The following TOB1 variants were observed in gnomAD, a reference collection of about 807,000 sequenced individuals.
TOB1 encodes protein Tob1.
A neutral mutation model predicts 22.9 loss-of-function variants in TOB1; 2 were observed. The ratio of observed to expected loss-of-function variants is 0.09; its 90% confidence interval spans 0.04 to 0.28. TOB1 has a LOEUF of 0.28. TOB1 is among the 10% of genes least tolerant of loss of function. TOB1 has a pLI of 1.00. For missense variants in TOB1, 299 were observed against 420.5 expected (o/e 0.71, Z 2.53); for synonymous variants, 154 against 150.6 (o/e 1.02, Z -0.17).
intron 1 of TOB1, among the ~76,000 whole-genome samples, chr17:50,865,488 A>C (rs1972283049): frequency 6.6e-6 from 1 of 152,090 alleles, no homozygotes. Flanking sequence ...CAGCAAGAGG[A>C]GGTGGAGGTG....
upstream of TOB1, chr17:50,867,149 C>G (rs1014609929): frequency 2.0e-5 from 3 of 152,324 alleles, no homozygotes; most frequent in African/African-American, 7.2e-5. Flanking sequence ...GGCTGCGACT[C>G]GGATCCGTTT....
In TOB1 at chr17:50,863,456, C is replaced by T. The variant is rs745322271; in HGVS notation, c.562G>A (p.Gly188Ser). ...CCACTATTCTTCATTTTGGTAGAGC[C>T]GAACTTGGTGGCAGCAAAAGTGGCA... is the stretch of plus-strand genomic sequence containing the variant. ...TTATFAATKFGSTKMKNSGRS... is the reference protein window; with the variant it reads ...TTATFAATKFSSTKMKNSGRS... Residue 188 changes from glycine (G) to serine (S), a missense_variant, in exon 2 of 2, where the codon GGC (glycine) becomes AGC (serine). Physicochemically the swap from Gly to Ser is moderately conservative, Grantham distance 56. Coordinates refer to ENST00000499247, the MANE Select transcript of TOB1 (RefSeq NM_005749.4). The T allele has an allele frequency of 6.2e-7, 1 of 1,614,036 alleles. No individual in the cohort carries two copies. Among genetic ancestry groups the T allele is most frequent in the South Asian group, 1.1e-5 (1 of 91,062 alleles).
intron 1 of TOB1, among the ~76,000 whole-genome samples, chr17:50,865,508 G>A (rs922621868): frequency 6.6e-6 from 1 of 152,220 alleles, no homozygotes; most frequent in Admixed American, 6.5e-5. Context: ...GGAGGAGGAA[G>A]AGAGTACGAG....
At chr17:50,864,196 T>C in intron 1 of TOB1, 33 bp from the exon 2 acceptor site, 1 of 1,241,204 alleles carries the variant, frequency 8.1e-7, no homozygotes, top group Non-Finnish European at 1.0e-6. Context: ...CCAAATAAGA[T>C]AAATGTAATA....
Position 50,863,723 on chromosome 17 carries a change from C to T in TOB1, c.295G>A (p.Val99Ile), listed in dbSNP as rs762912768. The T allele has an allele frequency of 6.2e-7, 1 of 1,614,094 alleles. No homozygotes were observed. Among genetic ancestry groups the T allele is most frequent in the South Asian group, 1.1e-5 (1 of 91,062 alleles). The change falls in exon 2 of 2, where the codon GTT becomes ATT. Residue 99 changes from valine to isoleucine, a missense_variant. Transcript: ENST00000499247. Reference sequence around the variant, plus strand: ...CCCTTTTCACCAATTTGGTAAGAAACCTCAAATGGGTCGATCCAAACACTA... The same window carrying T: ...CCCTTTTCACCAATTTGGTAAGAAATCTCAAATGGGTCGATCCAAACACTA... ...DLSVWIDPFE[V>I]SYQIGEKGPV...
Position 50,863,491 on chromosome 17 carries a change from G to A in TOB1, c.527C>T (p.Thr176Ile), listed in dbSNP as rs765113380. The A allele has an allele frequency of 6.2e-7, 1 of 1,614,196 alleles. No individual in the cohort carries two copies. ...GGCAGCAAAAGTGGCAGTGGTAAAGGTTAAAGGCTGAGTGGACCGGGGCAT... is the reference window on the plus strand; with the variant it reads ...GGCAGCAAAAGTGGCAGTGGTAAAGATTAAAGGCTGAGTGGACCGGGGCAT... ...TFMPRSTQPL[T>I]FTTATFAATK... is the part of the protein sequence containing the mutation. The change falls in exon 2 of 2, where the codon ACC (threonine) becomes ATC (isoleucine). Residue 176 changes from threonine to isoleucine, a missense_variant. Physicochemically the swap from Thr to Ile is moderately conservative, Grantham distance 89. Coordinates refer to ENST00000499247, the MANE Select transcript of TOB1 (RefSeq NM_005749.4).
chr17:50,864,839 G>C (rs1972272226), intron 1 of TOB1, among the ~76,000 whole-genome samples: 1 of 152,036 alleles, frequency 6.6e-6, no homozygotes, highest in East Asian at 1.9e-4. Context: ...AGCTTCTCTG[G>C]GCCTTTTGTT....
At chr17:50,866,806 G>A (rs1972318838), upstream of TOB1, 1 of 152,460 alleles carries the variant, frequency 6.6e-6, no homozygotes, top group African/African-American at 2.4e-5. Flanking sequence ...AGGAGAACCG[G>A]GGCTGGAGGA....
Position 50,862,920 on chromosome 17 carries a change from G to GA in TOB1, c.*59dup, listed in dbSNP as rs546261730. On this transcript the variant is annotated 3_prime_UTR_variant, in exon 2 of 2. Transcript: ENST00000499247. ...TAAAAAAAAAAATTCTCAAGGAGGT[G>GA]AAAAAAAAAATCCCCCTTGGGCCCG... The GA allele has an allele frequency of 1.2e-3, 1,718 of 1,380,694 alleles. 7 individuals are homozygous for GA. The highest frequency in any genetic ancestry group is 0.011 in the South Asian group (674 of 62,030). The allele number at this position is 1,380,694 out of a possible 1,614,324, so 85.5% of individuals were successfully genotyped here. A position where few individuals can be genotyped will look rare whatever the true frequency, so the allele number is the denominator to read the frequency against.
chr17:50,863,502 A>C lies in TOB1; in HGVS notation c.516T>G (p.Thr172=). The change falls in exon 2 of 2, where the codon ACT becomes ACG. Residue 172 remains threonine, a synonymous_variant. Transcript: ENST00000499247. The part of the protein sequence containing the change: ...AVSPTFMPRS[T]QPLTFTTATF... The stretch of plus-strand genomic sequence containing the variant: ...TGGCAGTGGTAAAGGTTAAAGGCTG[A>C]GTGGACCGGGGCATGAAGGTAGGGC... 1 of 1,614,170 alleles carries C rather than the reference A, an allele frequency of 6.2e-7. No homozygotes were observed. The highest frequency in any genetic ancestry group is 2.2e-5 in the East Asian group (1 of 44,884).
Position 50,863,008 on chromosome 17 carries a change from T to C in TOB1, c.1010A>G (p.Gln337Arg), listed in dbSNP as rs553936596. 6.2e-7 allele frequency: 1 copy of C among 1,612,556 alleles called. No homozygotes were observed. Among genetic ancestry groups the C allele is most frequent in the African/African-American group, 1.3e-5 (1 of 74,920 alleles). The change falls in exon 2 of 2, where the codon CAG becomes CGG. Residue 337 changes from glutamine to arginine, a missense_variant. By Grantham distance (43) the Gln-to-Arg change is conservative. Transcript: ENST00000499247. The part of the protein sequence containing the change: ...FSLNNMQYSN[Q>R]QFQPVMAN Reference sequence around the variant, plus strand: ...GTTAGCCATAACAGGCTGGAATTGCTGGTTAGAATACTGCATGTTATTTAA... The same window carrying C: ...GTTAGCCATAACAGGCTGGAATTGCCGGTTAGAATACTGCATGTTATTTAA...
rs1327568382 is a variant in TOB1, at chr17:50,863,642, T to C, written c.376A>G (p.Lys126Glu). ...GGGTTAAAGCTGTTTTTGATCTCCT[T>C]ATCCAACTCACATCCATTTTCATTA... ...DNNENGCELD[K>E]EIKNSFNPEA... The change falls in exon 2 of 2, where the codon AAG (lysine) becomes GAG (glutamate). Residue 126 changes from lysine to glutamate, a missense_variant. Lys to Glu is a moderately conservative substitution (Grantham distance 56). Transcript: ENST00000499247. 3 of 1,614,172 alleles carry C rather than the reference T, an allele frequency of 1.9e-6. No homozygotes were observed. Among genetic ancestry groups the C allele is most frequent in the East Asian group, 2.2e-5 (1 of 44,886 alleles).
chr17:50,865,162 G>C (rs1304561100), intron 1 of TOB1, among the ~76,000 whole-genome samples: 1 of 152,314 alleles, frequency 6.6e-6, no homozygotes. Context: ...TGATTTAAAA[G>C]TACGTTTAAA....
rs746246834 is a variant in TOB1 at position 50,863,208 on chromosome 17, A to G, written c.810T>C (p.Asn270=). The G allele has an allele frequency of 6.2e-7, 1 of 1,614,146 alleles. No individual in the cohort carries two copies. Among genetic ancestry groups the G allele is most frequent in the Non-Finnish European group, 8.5e-7 (1 of 1,180,050 alleles). ...TATTAGGAAAAATAAATTCCTTGGC[A>G]TTAGGAGAAAGAGCAGAGGTTTTCT... ...QQQKTSALSP[N]AKEFIFPNMQ... is the part of the protein sequence containing the mutation. The change falls in exon 2 of 2, where the codon AAT becomes AAC. Residue 270 remains asparagine (N), a synonymous_variant. Coordinates refer to ENST00000499247, the MANE Select transcript of TOB1 (RefSeq NM_005749.4).
At position 50,865,780 on chromosome 17, in the gene TOB1, T is replaced by C. The variant is rs1411322676; in HGVS notation, c.-147+278A>G. ...ACCCCAGCGTTCCACCGCGAGCTCGTCGCTCCTCCGGGCACCCCAACCCCC... is the reference window on the plus strand; with the variant it reads ...ACCCCAGCGTTCCACCGCGAGCTCGCCGCTCCTCCGGGCACCCCAACCCCC... On this transcript the variant is annotated intron_variant, in intron 1 of 1. Coordinates refer to ENST00000499247, the MANE Select transcript of TOB1 (RefSeq NM_005749.4). Among the ~76,000 whole-genome samples, 4 of 151,886 alleles carry C rather than the reference T, an allele frequency of 2.6e-5. No individual in the cohort carries two copies. In the East Asian group the frequency reaches 7.8e-4, roughly 30 times the overall value.
chr17:50,863,332 A>G lies in TOB1; in HGVS notation c.686T>C (p.Leu229Pro), dbSNP rs1972244704. 1 of 1,614,064 alleles carries G rather than the reference A, an allele frequency of 6.2e-7. No individual in the cohort carries two copies. Among genetic ancestry groups the G allele is most frequent in the African/African-American group, 1.3e-5 (1 of 74,910 alleles). ...QKAISSSMHS[L>P]YGLGLGSQQQ... ...CTGGCTACCCAAGCCAAGCCCATAC[A>G]GAGAGTGCATTGAGGAAGAGATGGC... The change falls in exon 2 of 2, where the codon CTG (leucine) becomes CCG (proline). Residue 229 changes from leucine to proline, a missense_variant. Physicochemically the swap from Leu to Pro is moderately conservative, Grantham distance 98. Transcript: ENST00000499247.
chr17:50,864,055 C>T lies in TOB1; in HGVS notation c.-38G>A. 5.9e-6 allele frequency: 4 copies of T among 679,608 alleles called. No homozygotes were observed. Among genetic ancestry groups the T allele is most frequent in the Admixed American group, 9.7e-5 (1 of 10,312 alleles). The allele number at this position is 679,608 out of a possible 1,614,324, so 42.1% of individuals were successfully genotyped here. On this transcript the variant is annotated 5_prime_UTR_variant, in exon 2 of 2. It adds an upstream start codon to the 5' untranslated region. Transcript: ENST00000499247. ...ACAAAATTAGGTTTCAACTCCCCCA[C>T]CAAAAAAAAAAAAAAAAAAAAAAGA...
chr17:50,864,101 A>G lies in TOB1; in HGVS notation c.-84T>C. On this transcript the variant is annotated 5_prime_UTR_variant, in exon 2 of 2. Transcript: ENST00000499247. Reference sequence around the variant, plus strand: ...AAAGATGTTCAGTTTGTGGCAGAGAAACAAATTTTCATTCAAAGTGCTGGT... The same window carrying G: ...AAAGATGTTCAGTTTGTGGCAGAGAGACAAATTTTCATTCAAAGTGCTGGT... 2 of 1,317,522 alleles carry G rather than the reference A, an allele frequency of 1.5e-6. No individual in the cohort carries two copies. Among genetic ancestry groups the G allele is most frequent in the Non-Finnish European group, 2.0e-6 (2 of 999,700 alleles). 81.6% of individuals were successfully genotyped at this position (1,317,522 alleles called of 1,614,324 possible). A position where few individuals can be genotyped will look rare whatever the true frequency, so the allele number is the denominator to read the frequency against.
chr17:50,864,875 A>C (rs1972272596), intron 1 of TOB1, among the ~76,000 whole-genome samples: 1 of 152,238 alleles, frequency 6.6e-6, no homozygotes, highest in African/African-American at 2.4e-5. Context: ...TCTAAATCTG[A>C]AAATACCTAT....
Sources: gnomAD v4.1 joint callset for allele counts (sites outside exome capture counted in the v4.1 genomes callset) on GRCh38, gnomAD v4.1.1 for gene constraint, MANE v1.5 for transcripts, NCBI Gene and HGNC (gene_info 2026-07-23, HGNC 2026-07-21) for gene names.